The following SUPT6H variants were observed in gnomAD, a reference collection of about 807,000 sequenced individuals.
SUPT6H encodes transcription elongation factor SPT6.
A neutral mutation model predicts 222.3 loss-of-function variants in SUPT6H; 11 were observed. The ratio of observed to expected loss-of-function variants is 0.05; its 90% CI spans 0.03 to 0.08. SUPT6H has a LOEUF of 0.08. Ranked by LOEUF, SUPT6H falls within the 10% of genes least tolerant of loss-of-function variation. SUPT6H has a pLI of 1.00. For synonymous variants in SUPT6H, 762 were observed against 801.2 expected (o/e 0.95, Z 0.83); for missense variants, 1,422 against 2,216.0 (o/e 0.64, Z 7.19).
At position 28,695,471 on chromosome 17, in the gene SUPT6H, C is replaced by T. The variant is rs758280724; in HGVS notation, c.3894C>T (p.Asp1298=). Residue 1298 remains aspartate (D), a synonymous_variant, in exon 29 of 37, where the codon GAC becomes GAT. Coordinates refer to ENST00000314616, the MANE Select transcript of SUPT6H (RefSeq NM_003170.5). The part of the protein sequence containing the change: ...DRNNEWKLPK[D]TYYDFDAEAA... ...ACAATGAGTGGAAGCTGCCCAAAGA[C>T]ACCTACTATGACTTTGATGCTGAAG... 1.2e-6 allele frequency: 2 copies of T among 1,614,002 alleles called. No homozygotes were observed. The highest frequency in any genetic ancestry group is 1.3e-5 in the African/African-American group (1 of 74,900).
Position 28,701,666 on chromosome 17 carries a change from A to G in SUPT6H, c.*41A>G, listed in dbSNP as rs758247580. On this transcript the variant is annotated 3_prime_UTR_variant, in exon 37 of 37. Coordinates refer to ENST00000314616, the MANE Select transcript of SUPT6H (RefSeq NM_003170.5). ...GACTCTGGTTACCTCTGAGGCTGGG[A>G]AAGGCCTGGCTGCCCACTGCCTCCC... is the stretch of plus-strand genomic sequence containing the variant. 9 of 1,562,904 alleles carry G rather than the reference A, an allele frequency of 5.8e-6. No individual in the cohort carries two copies. The highest frequency in any genetic ancestry group is 7.8e-6 in the Non-Finnish European group (9 of 1,150,006).
intron 8 of SUPT6H, 89 bp downstream of exon 8, chr17:28,677,905 G>A (rs1320671055): frequency 1.2e-5 from 16 of 1,354,804 alleles, no homozygotes; most frequent in East Asian, 9.2e-5. Flanking sequence ...TCATACATCC[G>A]TGTGCCTGGT....
chr17:28,697,730 C>T lies in SUPT6H; in HGVS notation c.4320C>T (p.Arg1440=), dbSNP rs143474646. 6.2e-7 allele frequency: 1 copy of T among 1,614,158 alleles called. No individual in the cohort carries two copies. The highest frequency in any genetic ancestry group is 1.3e-5 in the African/African-American group (1 of 75,056). Residue 1440 remains arginine (R), a synonymous_variant, in exon 31 of 37, where the codon CGC becomes CGT. Transcript: ENST00000314616. ...KYYQDCSGGD[R]KKLEELLIKT... Reference sequence around the variant, plus strand: ...ATCAGGACTGCAGCGGTGGGGACCGCAAGGTAAGCCCAGGGCCCTCTGAGG... The same window carrying T: ...ATCAGGACTGCAGCGGTGGGGACCGTAAGGTAAGCCCAGGGCCCTCTGAGG...
At chr17:28,673,265 G>A (rs538877597) in intron 1 of SUPT6H, 106 bp from the exon 2 acceptor site, 2 of 639,718 alleles carry the variant, frequency 3.1e-6, no homozygotes, top group African/African-American at 3.6e-5. Context: ...ATGTTGAGTG[G>A]GCAGAGCAGT....
At chr17:28,681,761 C>T (rs1387635735) in intron 12 of SUPT6H, 121 bp from the exon 13 acceptor site, 2 of 794,702 alleles carry the variant, frequency 2.5e-6, no homozygotes, top group African/African-American at 1.8e-5. Context: ...GACTTGACAG[C>T]CCATGGCATC....
In SUPT6H at chr17:28,687,309, T is replaced by C; in HGVS notation, c.2844T>C (p.His948=). ...LCLKFHPLQE[H]VVKEELLNAL... The stretch of plus-strand genomic sequence containing the variant: ...TGCCTGCTGAATGTCCACAGGAGCA[T>C]GTGGTGAAAGAGGAGCTGCTCAACG... Residue 948 remains histidine (H), a synonymous_variant, in exon 23 of 37, where the codon CAT becomes CAC. Coordinates refer to ENST00000314616, the MANE Select transcript of SUPT6H (RefSeq NM_003170.5). The C allele has an allele frequency of 6.2e-7, 1 of 1,614,062 alleles. No homozygotes were observed. Among genetic ancestry groups the C allele is most frequent in the Non-Finnish European group, 8.5e-7 (1 of 1,180,002 alleles).
At chr17:28,662,718 C>A (rs147836001) in intron 1 of SUPT6H, among the ~76,000 whole-genome samples, 12 of 152,194 alleles carry the variant, frequency 7.9e-5, no homozygotes, top group Non-Finnish European at 1.5e-4. Flanking sequence ...GGATATGAAT[C>A]CTGTGGAGCT....
At chr17:28,691,656 C>G (rs1315631206) in intron 27 of SUPT6H, 1 of 151,938 alleles carries the variant, frequency 6.6e-6, no homozygotes, top group Non-Finnish European at 1.5e-5. Context: ...CGAGACCATC[C>G]TGGCTAACAC....
chr17:28,681,268 C>G lies in SUPT6H; in HGVS notation c.1362C>G (p.Val454=). 1 of 1,613,850 alleles carries G rather than the reference C, an allele frequency of 6.2e-7. No individual in the cohort carries two copies. The highest frequency in any genetic ancestry group is 8.5e-7 in the Non-Finnish European group (1 of 1,179,974). ...DTTDMERLKD[V]QSMDELKDVY... ...TCTTCTTTTTCAGGCTCAAGGATGTCCAATCAATGGATGAGCTGAAAGATG... is the reference window on the plus strand; with the variant it reads ...TCTTCTTTTTCAGGCTCAAGGATGTGCAATCAATGGATGAGCTGAAAGATG... The change falls in exon 12 of 37, where the codon GTC becomes GTG. Residue 454 remains valine (V), a synonymous_variant. Coordinates refer to ENST00000314616, the MANE Select transcript of SUPT6H (RefSeq NM_003170.5).
At chr17:28,684,502 G>A (rs375834217) in intron 17 of SUPT6H, 84 bp from the exon 18 acceptor site, 10 of 1,538,880 alleles carry the variant, frequency 6.5e-6, no homozygotes, top group Middle Eastern at 1.7e-4. Flanking sequence ...ATGTGTGTAT[G>A]AGTGTGTTTC....
intron 1 of SUPT6H, among the ~76,000 whole-genome samples, chr17:28,667,475 A>G (rs1006512102): frequency 1.5e-5 from 2 of 137,054 alleles, no homozygotes; most frequent in Non-Finnish European, 3.1e-5. Context: ...ATATGTGTAT[A>G]TATGTGTGTG....
intron 1 of SUPT6H, chr17:28,671,185 C>T (rs1021647262): frequency 6.6e-6 from 1 of 152,192 alleles, no homozygotes; most frequent in Admixed American, 6.5e-5. Flanking sequence ...TCTTCTCTCC[C>T]CTCCCACTGC....
chr17:28,699,988 T>A (rs1029123588), intron 33 of SUPT6H, 95 bp downstream of exon 33: 2 of 1,400,882 alleles, frequency 1.4e-6, no homozygotes, highest in South Asian at 2.3e-5. Context: ...AGGTGAGGAG[T>A]AGGCTGTCAC....
At chr17:28,677,666 T>G (rs762929477) in intron 7 of SUPT6H, 49 bp from the exon 8 acceptor site, 2 of 1,376,324 alleles carry the variant, frequency 1.5e-6, no homozygotes, top group Non-Finnish European at 2.1e-6. Flanking sequence ...TTTTCTTAAG[T>G]GAGACACAAG....
intron 1 of SUPT6H, among the ~76,000 whole-genome samples, chr17:28,668,536 A>T (rs2151604610): frequency 6.6e-6 from 1 of 152,312 alleles, no homozygotes; most frequent in South Asian, 2.1e-4. Context: ...AACCTAGGCG[A>T]TGGGAAGAAA....
intron 2 of SUPT6H, chr17:28,673,754 G>T: frequency 2.0e-6 from 1 of 491,436 alleles, no homozygotes; most frequent in South Asian, 2.6e-5. Flanking sequence ...TTAGTTGGGG[G>T]GTGGTTGATA....
At chr17:28,686,872 TCA>T in intron 21 of SUPT6H, 83 bp downstream of exon 21, 10 of 1,515,026 alleles carry the variant, frequency 6.6e-6, no homozygotes, top group Non-Finnish European at 7.9e-6. Context: ...ACAAAAGTTA[TCA>T]GGGGCACAGG....
intron 25 of SUPT6H, 93 bp downstream of exon 25, chr17:28,689,654 G>T: frequency 8.3e-7 from 1 of 1,201,340 alleles, no homozygotes; most frequent in Non-Finnish European, 1.2e-6. Context: ...GAGAAAGCCT[G>T]ATACTGTTAG....
At chr17:28,665,249 C>T (rs1200220770) in intron 1 of SUPT6H, among the ~76,000 whole-genome samples, 1 of 152,182 alleles carries the variant, frequency 6.6e-6, no homozygotes, top group Non-Finnish European at 1.5e-5. Context: ...TCTACTGGAA[C>T]CTCTCCTCCT....
Sources: allele counts gnomAD v4.1 joint callset (sites outside exome capture counted in the v4.1 genomes callset), GRCh38; gene constraint gnomAD v4.1.1; transcripts MANE v1.5; gene names NCBI Gene and HGNC (gene_info 2026-07-23, HGNC 2026-07-21).